MECOM: variants seen among roughly 807,000 people sequenced by gnomAD.
The protein encoded by MECOM is histone-lysine N-methyltransferase MECOM.
In MECOM, 13 loss-of-function variants were observed where a neutral mutation model predicts 116.3. The ratio of observed to expected loss-of-function variants is 0.11; its 90% CI spans 0.07 to 0.18. The LOEUF (loss-of-function observed/expected upper bound fraction) is 0.18. Ranked by LOEUF, MECOM falls within the 10% of genes least tolerant of loss-of-function variation. The pLI, the probability that MECOM is intolerant of heterozygous loss-of-function variation, is 1.00. For missense variants in MECOM, 1,299 were observed against 1,509.0 expected (o/e 0.86, Z 2.31); for synonymous variants, 528 against 535.2 (o/e 0.99, Z 0.19).
At chr3:169,090,715 C>A (rs895952946) in intron 14 of MECOM, among the ~76,000 whole-genome samples, 2 of 151,446 alleles carry the variant, frequency 1.3e-5, no homozygotes, top group Non-Finnish European at 2.9e-5. Context: ...AAGTAGTTAC[C>A]AAGAAACAAC....
In MECOM at chr3:169,102,195, A is replaced by C; in HGVS notation, c.2636T>G (p.Leu879Arg). The change falls in exon 11 of 17, where the codon CTA (leucine) becomes CGA (arginine). Residue 879 changes from leucine (L) to arginine (R), a missense_variant. Physicochemically the swap from Leu to Arg is moderately radical, Grantham distance 102. Around this residue, in one of 6 missense-constraint regions of MECOM, gnomAD observed 340 missense variants for 312.6 expected, o/e 1.09. Coordinates refer to ENST00000651503, the MANE Select transcript of MECOM (RefSeq NM_004991.4). ...AGGTTTCAGGGCACTGAAGCTCTCT[A>C]GCTTTTCTGCCATGTTTTCAATAGC... Reference protein sequence around the residue: ...MSAIENMAEKLESFSALKPEA... With the variant: ...MSAIENMAEKRESFSALKPEA... The C allele has an allele frequency of 6.2e-7, 1 of 1,613,684 alleles. No individual in the cohort carries two copies. The highest frequency in any genetic ancestry group is 8.5e-7 in the Non-Finnish European group (1 of 1,179,736).
chr3:169,160,885 C>T lies in MECOM; in HGVS notation c.376-17053G>A, dbSNP rs115589052. On this transcript the variant is annotated intron_variant, in intron 2 of 16. Coordinates refer to ENST00000651503, the MANE Select transcript of MECOM (RefSeq NM_004991.4). ...TCTTCAGAATGTGGTAAAAAGAAGA[C>T]AAAACATTCACAGAAAAGGAAGGAC... 4.2e-3 allele frequency among the ~76,000 whole-genome samples: 641 copies of T among 152,072 alleles called. 2 individuals carry two copies. Among genetic ancestry groups the T allele is most frequent in the East Asian group, 0.021 (109 of 5,182 alleles).
chr3:169,442,669 C>A (rs1743929444), intron 1 of MECOM, among the ~76,000 whole-genome samples: 1 of 152,056 alleles, frequency 6.6e-6, no homozygotes, highest in Non-Finnish European at 1.5e-5. Context: ...GGCAAACAGG[C>A]AAAACAAACA....
intron 2 of MECOM, among the ~76,000 whole-genome samples, chr3:169,246,907 A>G (rs1398257906): frequency 6.6e-6 from 1 of 152,206 alleles, no homozygotes; most frequent in African/African-American, 2.4e-5. Flanking sequence ...TCATTCTATG[A>G]AAGACAATGG....
At chr3:169,234,151 C>T (rs1348130639) in intron 2 of MECOM, among the ~76,000 whole-genome samples, 3 of 151,684 alleles carry the variant, frequency 2.0e-5, no homozygotes, top group Non-Finnish European at 4.4e-5. Context: ...GGAGTGGACA[C>T]ACAATTCCTA....
chr3:169,154,515 C>A (rs1741646991), intron 2 of MECOM, among the ~76,000 whole-genome samples: 1 of 152,128 alleles, frequency 6.6e-6, no homozygotes, highest in South Asian at 2.1e-4. Flanking sequence ...TGAATTATTG[C>A]AATGATCTCC....
intron 1 of MECOM, among the ~76,000 whole-genome samples, chr3:169,576,482 T>C (rs1397966939): frequency 6.6e-6 from 1 of 152,192 alleles, no homozygotes; most frequent in Non-Finnish European, 1.5e-5. Context: ...GAATTTTTAT[T>C]CAGCCAGCGT....
In MECOM at chr3:169,261,689, G is replaced by T. The variant is rs193194738; in HGVS notation, c.376-117857C>A. On this transcript the variant is annotated intron_variant, in intron 2 of 16. Coordinates refer to ENST00000651503, the MANE Select transcript of MECOM (RefSeq NM_004991.4). ...GCACTCCAGCCTGAGCAACAAGAGC[G>T]AAACTCCATCTCAAGAAGAAGAAGA... Among the ~76,000 whole-genome samples the T allele has an allele frequency of 4.1e-4, 62 of 151,942 alleles. No individual in the cohort carries two copies. The East Asian group carries it at 5.0e-3, about 12-fold the overall frequency.
At chr3:169,212,868 T>C (rs982858519) in intron 2 of MECOM, among the ~76,000 whole-genome samples, 2 of 151,122 alleles carry the variant, frequency 1.3e-5, no homozygotes, top group Non-Finnish European at 2.9e-5. Context: ...CCTGGAATGC[T>C]CTCCTGCCTG....
At chr3:169,165,073 C>A (rs920901730) in intron 2 of MECOM, among the ~76,000 whole-genome samples, 1 of 152,112 alleles carries the variant, frequency 6.6e-6, no homozygotes, top group African/African-American at 2.4e-5. Context: ...GGAATTGGTT[C>A]CTCTGTTTCA....
chr3:169,545,894 C>CT (rs1452357730), intron 1 of MECOM, among the ~76,000 whole-genome samples: 262 of 151,572 alleles, frequency 1.7e-3, no homozygotes, highest in African/African-American at 5.9e-3. Flanking sequence ...TTCCCAATCT[C>CT]TTTTTTTTTC....
At position 169,097,229 on chromosome 3, in the gene MECOM, C is replaced by T. The variant is rs577446703; in HGVS notation, c.2850-1984G>A. Among the ~76,000 whole-genome samples, 6 of 152,196 alleles carry T rather than the reference C, an allele frequency of 3.9e-5. No homozygotes were observed. In the East Asian group the frequency reaches 7.7e-4, roughly 20 times the overall value. ...ATGCTTCTAACTTTCTGCTTGCACACAAAGGGTCTTTTCCAAATCTAGTAA... is the reference window on the plus strand; with the variant it reads ...ATGCTTCTAACTTTCTGCTTGCACATAAAGGGTCTTTTCCAAATCTAGTAA... On this transcript the variant is annotated intron_variant, in intron 12 of 16. Transcript: ENST00000651503.
At chr3:169,452,080 G>A (rs868720302) in intron 1 of MECOM, among the ~76,000 whole-genome samples, 3 of 151,704 alleles carry the variant, frequency 2.0e-5, no homozygotes, top group African/African-American at 7.3e-5. Context: ...AATAGCCATC[G>A]ATTTTTAAAA....
At chr3:169,303,087 A>C (rs570957819) in intron 2 of MECOM, among the ~76,000 whole-genome samples, 1 of 152,200 alleles carries the variant, frequency 6.6e-6, no homozygotes, top group Admixed American at 6.5e-5. Flanking sequence ...AAAAGGTCAC[A>C]TGAAAAACAC....
chr3:169,654,761 C>A (rs1775326222), intron 1 of MECOM, among the ~76,000 whole-genome samples: 1 of 151,532 alleles, frequency 6.6e-6, no homozygotes, highest in Admixed American at 6.6e-5. Flanking sequence ...GACTATTTTT[C>A]CAGATAAATG....
intron 2 of MECOM, among the ~76,000 whole-genome samples, chr3:169,181,721 C>T (rs908074241): frequency 6.6e-6 from 1 of 152,108 alleles, no homozygotes; most frequent in African/African-American, 2.4e-5. Flanking sequence ...GGATAGGAAA[C>T]TTAAACTGTA....
chr3:169,652,263 A>C (rs1356459487), intron 1 of MECOM, among the ~76,000 whole-genome samples: 2 of 151,822 alleles, frequency 1.3e-5, no homozygotes, highest in Non-Finnish European at 3.0e-5. Flanking sequence ...CTATGACCCT[A>C]GCCAAAACTA....
In MECOM at chr3:169,507,897, C is replaced by T. The variant is rs189533563; in HGVS notation, c.38-126373G>A. Among the ~76,000 whole-genome samples the T allele has an allele frequency of 0.018, 2,669 of 151,210 alleles. 232 individuals carry two copies. In the East Asian group the frequency reaches 0.29, roughly 16 times the overall value. On this transcript the variant is annotated intron_variant, in intron 1 of 16. Coordinates refer to ENST00000651503, the MANE Select transcript of MECOM (RefSeq NM_004991.4). ...GGATGGTCTCGATCTCCTGACCTTG[C>T]GATCTGCCCGCCTCGGCCTCCCAAA...
intron 2 of MECOM, chr3:169,144,994 C>A: frequency 2.6e-6 from 4 of 1,562,550 alleles, no homozygotes; most frequent in South Asian, 1.2e-5. Context: ...GTCATTAACT[C>A]ACCATATACT....
Sources: gnomAD v4.1 joint callset for allele counts (sites outside exome capture counted in the v4.1 genomes callset) on GRCh38, gnomAD v4.1.1 for gene constraint, gnomAD v4.1.1 regional missense constraint, MANE v1.5 for transcripts, NCBI Gene and HGNC (gene_info 2026-07-23, HGNC 2026-07-21) for gene names.